Variants in YIPF2 observed in about 807,000 individuals in gnomAD.
YIPF2 encodes the protein Yip1 domain family member 2, also known as protein YIPF2.
Under a neutral mutation model 38.8 loss-of-function variants are expected in YIPF2, and 30 were observed. The observed-to-expected ratio is 0.77, with a 90% confidence interval of 0.58 to 1.05. The LOEUF (loss-of-function observed/expected upper bound fraction) is 1.05. Ranked by LOEUF, YIPF2 falls within the 50% of genes least tolerant of loss-of-function variation. The probability of loss-of-function intolerance (pLI) is 0.00; values close to 1 mark genes in which losing one functional copy is unlikely to be tolerated. For synonymous variants in YIPF2, 194 were observed against 183.8 expected (o/e 1.06, Z -0.45); for missense variants, 401 against 409.7 (o/e 0.98, Z 0.18).
rs895756352 is a variant in YIPF2 at position 10,923,132 on chromosome 19, G to T, written c.*62C>A. 3.1e-6 allele frequency: 2 copies of T among 634,972 alleles called. No individual in the cohort carries two copies. The highest frequency in any genetic ancestry group is 3.0e-5 in the East Asian group (1 of 32,792). 39.3% of individuals were successfully genotyped at this position (634,972 alleles called of 1,614,324 possible). A position where few individuals can be genotyped will look rare whatever the true frequency, so the allele number is the denominator to read the frequency against. ...TCAAAGGAGCCTTCAGTCATCGTCT[G>T]GGGGGCAGGACAGGCAGAGGGGTTG... On this transcript the variant is annotated 3_prime_UTR_variant, in exon 10 of 10. Coordinates refer to ENST00000586748, the MANE Select transcript of YIPF2 (RefSeq NM_001321439.2).
At chr19:10,924,537 C>G (rs1007536055) in intron 5 of YIPF2, among the ~76,000 whole-genome samples, 2 of 152,202 alleles carry the variant, frequency 1.3e-5, no homozygotes, top group Non-Finnish European at 2.9e-5. Flanking sequence ...CATAGTATGA[C>G]CTCCTTCAAG....
Position 10,928,603 on chromosome 19 carries a change from G to T in YIPF2, c.-123C>A. On this transcript the variant is annotated 5_prime_UTR_variant, in exon 1 of 10. Transcript: ENST00000586748. ...CCCTCACCTGAGGCCACCTGGGCCG[G>T]CGTGGCTGGGGCTCTCTGCGCCTGC... 1.1e-6 allele frequency: 1 copy of T among 916,178 alleles called. No homozygotes were observed. The highest frequency in any genetic ancestry group is 2.1e-5 in the South Asian group (1 of 48,750). The allele number at this position is 916,178 out of a possible 1,614,324, so 56.8% of individuals were successfully genotyped here. A position where few individuals can be genotyped will look rare whatever the true frequency, so the allele number is the denominator to read the frequency against.
rs1159244657 is a variant in YIPF2 at position 10,927,522 on chromosome 19, A to G, written c.279+108T>C. The G allele has an allele frequency of 4.3e-6, 6 of 1,384,592 alleles. No individual in the cohort carries two copies. The African/African-American group carries it at 5.7e-5, about 13-fold the overall frequency. 85.8% of individuals were successfully genotyped at this position (1,384,592 alleles called of 1,614,324 possible). ...CCCACCATAACCCTTTGAGAGCACC[A>G]CAGTTCGTTCACCAGCACCCACCAT... On this transcript the variant is annotated intron_variant, in intron 4 of 9. Transcript: ENST00000586748.
intron 2 of YIPF2, 30 bp from the exon 3 acceptor site, chr19:10,927,989 C>T (rs550690440): frequency 1.9e-6 from 3 of 1,583,530 alleles, no homozygotes; most frequent in Admixed American, 1.7e-5. Flanking sequence ...GACACACGCA[C>T]GTTTGAGGGG....
At position 10,924,708 on chromosome 19, in the gene YIPF2, C is replaced by T. The variant is rs118163475; in HGVS notation, c.368-516G>A. Among the ~76,000 whole-genome samples, 1,185 of 152,196 alleles carry T rather than the reference C, an allele frequency of 7.8e-3. 7 individuals carry two copies. The highest frequency in any genetic ancestry group is 0.02 in the Middle Eastern group (6 of 294). On this transcript the variant is annotated intron_variant, in intron 5 of 9. Transcript: ENST00000586748. ...GGATACGTGGCAACTCTATCCATCC[C>T]GTTAGTCCAGGCAGAAATCCCTAGA...
chr19:10,927,903 T>C lies in YIPF2; in HGVS notation c.88A>G (p.Arg30Gly). Reference sequence around the variant, plus strand: ...CCTTGTGGGGTCAGCTGATCGCTTCTGCTGGTGGTGGCTGCATCTGGGGTG... The same window carrying C: ...CCTTGTGGGGTCAGCTGATCGCTTCCGCTGGTGGTGGCTGCATCTGGGGTG... ...ADTPDAATTS[R>G]SDQLTPQGHV... The change falls in exon 3 of 10, where the codon AGA (arginine) becomes GGA (glycine). Residue 30 changes from arginine (R) to glycine (G), a missense_variant. Arg to Gly is a moderately radical substitution (Grantham distance 125). Coordinates refer to ENST00000586748, the MANE Select transcript of YIPF2 (RefSeq NM_001321439.2). 6.2e-7 allele frequency: 1 copy of C among 1,612,358 alleles called. No homozygotes were observed. The highest frequency in any genetic ancestry group is 1.3e-5 in the African/African-American group (1 of 75,038).
intron 5 of YIPF2, among the ~76,000 whole-genome samples, chr19:10,925,041 G>A (rs2083401466): frequency 6.6e-6 from 1 of 152,024 alleles, no homozygotes; most frequent in Admixed American, 6.6e-5. Context: ...AGACCAGCCT[G>A]GCTAACACGG....
chr19:10,926,215 C>A (rs1188505858), intron 4 of YIPF2, among the ~76,000 whole-genome samples: 4 of 150,518 alleles, frequency 2.7e-5, no homozygotes, highest in Non-Finnish European at 5.9e-5. Context: ...CCAGCCCCCT[C>A]TTTTTTTTCC....
chr19:10,927,011 A>G (rs1383428485), intron 4 of YIPF2, among the ~76,000 whole-genome samples: 1 of 151,922 alleles, frequency 6.6e-6, no homozygotes, highest in African/African-American at 2.4e-5. Flanking sequence ...CTGGGATTAC[A>G]GGCGCCCACC....
At position 10,925,783 on chromosome 19, in the gene YIPF2, A is replaced by C; in HGVS notation, c.280-10T>G. On this transcript the variant is annotated splice_polypyrimidine_tract_variant and intron_variant, in intron 4 of 9. Transcript: ENST00000586748. ...TGATCCGGTCCAGGACCTGGGGGCA[A>C]GGCCAAGGTCAAGGATGGAAGTCTG... is the stretch of plus-strand genomic sequence containing the variant. 6.2e-7 allele frequency: 1 copy of C among 1,613,216 alleles called. No homozygotes were observed. Among genetic ancestry groups the C allele is most frequent in the Non-Finnish European group, 8.5e-7 (1 of 1,179,838 alleles).
chr19:10,924,191 G>A lies in YIPF2; in HGVS notation c.369C>T (p.Gly123=), dbSNP rs763751807. Residue 123 remains glycine (G), a splice_region_variant and synonymous_variant, in exon 6 of 10, where the codon GGC becomes GGT. Transcript: ENST00000586748. ...CCAACGTGGCACAGATCCAGAAGGG[G>A]CCTGGGGGTAGGGGGCACAGTCAGG... is the stretch of plus-strand genomic sequence containing the variant. The part of the protein sequence containing the change: ...HHLRNRPDLY[G]PFWICATLAF... 2 of 1,610,206 alleles carry A rather than the reference G, an allele frequency of 1.2e-6. No individual in the cohort carries two copies. Among genetic ancestry groups the A allele is most frequent in the Non-Finnish European group, 1.7e-6 (2 of 1,179,728 alleles).
chr19:10,928,298 A>C, intron 2 of YIPF2, 82 bp downstream of exon 2: 7 of 1,311,108 alleles, frequency 5.3e-6, no homozygotes, highest in Non-Finnish European at 5.9e-6. Flanking sequence ...GCTTCGGGGT[A>C]GAGAAATTGG....
intron 4 of YIPF2, 153 bp downstream of exon 4, chr19:10,927,477 A>T (rs1278809053): frequency 2.0e-6 from 2 of 981,628 alleles, no homozygotes; most frequent in Non-Finnish European, 2.9e-6. Flanking sequence ...GTGTTCCCAT[A>T]GTCCCGATCC....
In YIPF2 at chr19:10,923,972, C is replaced by T. The variant is rs1249850702; in HGVS notation, c.512G>A (p.Cys171Tyr). Residue 171 changes from cysteine to tyrosine, a missense_variant, in exon 7 of 10, where the codon TGC becomes TAC. Physicochemically the swap from Cys to Tyr is radical, Grantham distance 194. Coordinates refer to ENST00000586748, the MANE Select transcript of YIPF2 (RefSeq NM_001321439.2). ...GGCCAGGGGCACCAGCCACGCATAG[C>T]AGTAGATGCTGATGCCTGCCACGGT... is the stretch of plus-strand genomic sequence containing the variant. Reference protein sequence around the residue: ...KVTVAGISIYCYAWLVPLALW... With the variant: ...KVTVAGISIYYYAWLVPLALW... 2.5e-6 allele frequency: 4 copies of T among 1,613,208 alleles called. No individual in the cohort carries two copies. Among genetic ancestry groups the T allele is most frequent in the Non-Finnish European group, 3.4e-6 (4 of 1,179,706 alleles).
chr19:10,925,903 C>CAA, intron 4 of YIPF2, 130 bp from the exon 5 acceptor site: 1 of 635,758 alleles, frequency 1.6e-6, no homozygotes, highest in Non-Finnish European at 2.6e-6. Context: ...GCCTTTCCCT[C>CAA]TCTTTTTTTT....
intron 5 of YIPF2, among the ~76,000 whole-genome samples, chr19:10,925,074 A>G (rs1216586826): frequency 1.3e-5 from 2 of 152,016 alleles, no homozygotes; most frequent in Non-Finnish European, 2.9e-5. Flanking sequence ...CCTAATAAAA[A>G]TATAAAAATC....
Position 10,923,579 on chromosome 19 carries a change from C to G in YIPF2, c.750G>C (p.Val250=), listed in dbSNP as rs746738617. 3 of 1,612,878 alleles carry G rather than the reference C, an allele frequency of 1.9e-6. No individual in the cohort carries two copies. Among genetic ancestry groups the G allele is most frequent in the South Asian group, 2.2e-5 (2 of 91,076 alleles). Reference sequence around the variant, plus strand: ...CCACCAGCCTGGTGTCCTCACGGACCACGGGCCAGAGGGTGAATACCAGCC... The same window carrying G: ...CCACCAGCCTGGTGTCCTCACGGACGACGGGCCAGAGGGTGAATACCAGCC... The part of the protein sequence containing the change: ...AAGLVFTLWP[V]VREDTRLVAT... The change falls in exon 8 of 10, where the codon GTG becomes GTC. Residue 250 remains valine (V), a synonymous_variant. Coordinates refer to ENST00000586748, the MANE Select transcript of YIPF2 (RefSeq NM_001321439.2).
chr19:10,927,859 C>A lies in YIPF2; in HGVS notation c.132G>T (p.Val44=), dbSNP rs372511424. The change falls in exon 3 of 10, where the codon GTG becomes GTT. Residue 44 remains valine, a synonymous_variant. Coordinates refer to ENST00000586748, the MANE Select transcript of YIPF2 (RefSeq NM_001321439.2). ...CGGCTCCATAGCTGCCACCTGAGCC[C>A]ACGGCCACAGCCACGTGCCCTTGTG... The part of the protein sequence containing the change: ...LTPQGHVAVA[V]GSGGSYGAED... The A allele has an allele frequency of 7.4e-5, 119 of 1,611,386 alleles. No individual in the cohort carries two copies. In the South Asian group the frequency reaches 1.2e-3, roughly 17 times the overall value.
At chr19:10,924,457 C>G (rs1180174894) in intron 5 of YIPF2, among the ~76,000 whole-genome samples, 1 of 152,108 alleles carries the variant, frequency 6.6e-6, no homozygotes, top group African/African-American at 2.4e-5. Context: ...TCCTCTTTGA[C>G]TCTCTGACCC....
Sources: gnomAD v4.1 joint callset for allele counts (sites outside exome capture counted in the v4.1 genomes callset) on GRCh38, gnomAD v4.1.1 for gene constraint, MANE v1.5 for transcripts, NCBI Gene and HGNC (gene_info 2026-07-23, HGNC 2026-07-21) for gene names.